RORA: variants seen among roughly 807,000 people sequenced by gnomAD.
RORA encodes the protein nuclear receptor ROR-alpha.
Under a neutral mutation model 69.5 loss-of-function variants are expected in RORA, and 7 were observed. The observed-to-expected ratio is 0.10, with a 90% confidence interval of 0.06 to 0.19. RORA has a LOEUF of 0.19. RORA is among the 10% of genes least tolerant of loss of function. RORA has a pLI of 1.00. For synonymous variants in RORA, 261 were observed against 240.8 expected (o/e 1.08, Z -0.78); for missense variants, 457 against 663.0 (o/e 0.69, Z 3.41).
intron 1 of RORA, among the ~76,000 whole-genome samples, chr15:60,846,051 C>G (rs2073261330): frequency 6.6e-6 from 1 of 152,262 alleles, no homozygotes; most frequent in Admixed American, 6.5e-5. Context: ...AGCTGTGAAG[C>G]TATTTTTATT....
intron 1 of RORA, among the ~76,000 whole-genome samples, chr15:60,819,081 A>G (rs1415799237): frequency 2.6e-5 from 4 of 152,228 alleles, no homozygotes; most frequent in Non-Finnish European, 4.4e-5. Flanking sequence ...GGTTTTCTAC[A>G]TCTAAATATC....
intron 1 of RORA, among the ~76,000 whole-genome samples, chr15:60,735,923 A>G (rs1393740909): frequency 6.6e-6 from 1 of 152,208 alleles, no homozygotes; most frequent in East Asian, 1.9e-4. Context: ...GCCAAGCCCA[A>G]TTTAATCCTC....
chr15:60,760,842 A>G (rs2071874493), intron 1 of RORA, among the ~76,000 whole-genome samples: 1 of 151,766 alleles, frequency 6.6e-6, no homozygotes, highest in African/African-American at 2.4e-5. Flanking sequence ...ATGTCTATAC[A>G]TGCAGACAGA....
chr15:60,818,193 CAA>C (rs1229910232), intron 1 of RORA, among the ~76,000 whole-genome samples: 5 of 152,042 alleles, frequency 3.3e-5, no homozygotes, highest in Non-Finnish European at 7.4e-5. Flanking sequence ...TAGGTTGGTG[CAA>C]AAGTTATTGC....
intron 2 of RORA, among the ~76,000 whole-genome samples, chr15:60,641,195 G>A (rs866661817): frequency 1.1e-4 from 17 of 152,180 alleles, no homozygotes; most frequent in African/African-American, 1.9e-4. Flanking sequence ...CAAGTGACTC[G>A]TCTGCCTCAG....
intron 1 of RORA, among the ~76,000 whole-genome samples, chr15:60,908,906 C>T (rs1891622664): frequency 6.6e-6 from 1 of 151,436 alleles, no homozygotes; most frequent in Admixed American, 6.6e-5. Flanking sequence ...GAGAGTTCTA[C>T]TGTAGACAAA....
intron 2 of RORA, among the ~76,000 whole-genome samples, chr15:60,571,998 A>G (rs2067896452): frequency 6.6e-6 from 1 of 152,222 alleles, no homozygotes; most frequent in Non-Finnish European, 1.5e-5. Context: ...TGCAGAGCAC[A>G]TAGGAGTAGC....
chr15:60,901,266 G>T (rs1891383280), intron 1 of RORA, among the ~76,000 whole-genome samples: 1 of 152,068 alleles, frequency 6.6e-6, no homozygotes, highest in Non-Finnish European at 1.5e-5. Flanking sequence ...CTCCCTCCTG[G>T]GTTCAAGCAA....
chr15:60,598,247 T>G lies in RORA; in HGVS notation c.197-66396A>C, dbSNP rs569581378. ...TAAAATGTTAACCCTTAATCAAAAT[T>G]TGTTGAAATGTTTCTCCGCATGCAC... On this transcript the variant is annotated intron_variant, in intron 2 of 10. Coordinates refer to ENST00000335670, the MANE Select transcript of RORA (RefSeq NM_134261.3). Among the ~76,000 whole-genome samples the G allele has an allele frequency of 4.6e-5, 7 of 152,320 alleles. No homozygotes were observed. The South Asian group carries it at 1.2e-3, about 27-fold the overall frequency.
chr15:60,649,895 GCA>G (rs951241325), intron 2 of RORA, among the ~76,000 whole-genome samples: 5 of 152,066 alleles, frequency 3.3e-5, no homozygotes, highest in African/African-American at 4.8e-5. Flanking sequence ...TGTCATTTTT[GCA>G]CAGTCATTTA....
chr15:60,757,245 C>G (rs1275666794), intron 1 of RORA, among the ~76,000 whole-genome samples: 2 of 152,098 alleles, frequency 1.3e-5, no homozygotes, highest in Admixed American at 6.6e-5. Context: ...TGTTGATCAT[C>G]TTTTCTCTCC....
At chr15:60,852,497 T>G (rs1468188288) in intron 1 of RORA, among the ~76,000 whole-genome samples, 2 of 152,172 alleles carry the variant, frequency 1.3e-5, no homozygotes, top group Non-Finnish European at 2.9e-5. Context: ...ATACATAAAA[T>G]ACCTACCATA....
chr15:60,548,693 A>G (rs1345884092), intron 2 of RORA, among the ~76,000 whole-genome samples: 1 of 152,172 alleles, frequency 6.6e-6, no homozygotes, highest in Non-Finnish European at 1.5e-5. Context: ...GCTGGAGTGC[A>G]GTGGCGCGAT....
At chr15:60,824,395 T>G (rs2072931181) in intron 1 of RORA, among the ~76,000 whole-genome samples, 1 of 152,060 alleles carries the variant, frequency 6.6e-6, no homozygotes, top group Admixed American at 6.6e-5. Context: ...GCTTTAAATA[T>G]CGTTTTGCTG....
chr15:60,867,210 T>G (rs2073499450), intron 1 of RORA, among the ~76,000 whole-genome samples: 1 of 152,186 alleles, frequency 6.6e-6, no homozygotes, highest in Admixed American at 6.5e-5. Context: ...AAGAAAACTG[T>G]TGTCCTGAGT....
At chr15:60,895,898 C>T (rs7177941) in intron 1 of RORA, among the ~76,000 whole-genome samples, 3,967 of 152,300 alleles carry the variant, frequency 0.026, 167 homozygotes, top group African/African-American at 0.091. Flanking sequence ...AAAGTTCATC[C>T]TTAAAAATGC....
chr15:60,655,474 C>T (rs944034271), intron 2 of RORA, among the ~76,000 whole-genome samples: 1 of 152,174 alleles, frequency 6.6e-6, no homozygotes, highest in African/African-American at 2.4e-5. Flanking sequence ...GGACTCAAAG[C>T]TCCAGGGGGA....
At chr15:60,640,663 C>T (rs2069928347) in intron 2 of RORA, among the ~76,000 whole-genome samples, 1 of 152,042 alleles carries the variant, frequency 6.6e-6, no homozygotes, top group Non-Finnish European at 1.5e-5. Context: ...TTTTCAGTTT[C>T]CAGAACACTC....
At chr15:60,662,630 C>G (rs762996371) in intron 2 of RORA, among the ~76,000 whole-genome samples, 11 of 127,348 alleles carry the variant, frequency 8.6e-5, no homozygotes, top group Non-Finnish European at 1.5e-4. Context: ...AACGAAGAAC[C>G]TTATTCAACA....
Sources: gnomAD v4.1 joint callset for allele counts (sites outside exome capture counted in the v4.1 genomes callset) on GRCh38, gnomAD v4.1.1 for gene constraint, MANE v1.5 for transcripts, NCBI Gene and HGNC (gene_info 2026-07-23, HGNC 2026-07-21) for gene names.